The following RBFOX1 variants were observed in gnomAD, a reference collection of about 807,000 sequenced individuals.
The protein encoded by RBFOX1 is RNA binding fox-1 homolog 1, also known as RNA binding protein fox-1 homolog 1.
A neutral mutation model predicts 57.7 loss-of-function variants in RBFOX1; 8 were observed. The observed-to-expected ratio is 0.14, with a 90% confidence interval of 0.08 to 0.25. The LOEUF (loss-of-function observed/expected upper bound fraction) is 0.25, where lower values mean the gene tolerates loss of function less well. Among genes scored for constraint, RBFOX1 ranks in the 10% least tolerant of loss-of-function variants. The pLI is 1.00. For synonymous variants in RBFOX1, 326 were observed against 222.4 expected, an observed-to-expected ratio of 1.47 and a Z score of -4.15; for missense variants, 611 against 548.5, an observed-to-expected ratio of 1.11 and a Z score of -1.14.
intron 4 of RBFOX1, among the ~76,000 whole-genome samples, chr16:7,088,311 C>G (rs1276809356): frequency 6.6e-6 from 1 of 152,054 alleles, no homozygotes; most frequent in Non-Finnish European, 1.5e-5. Context: ...GTAGTGATGG[C>G]TTTGTTTATT....
intron 1 of RBFOX1, among the ~76,000 whole-genome samples, chr16:6,280,338 T>A (rs945127175): frequency 1.3e-5 from 2 of 152,200 alleles, no homozygotes; most frequent in Non-Finnish European, 2.9e-5. Context: ...TGTCTTTGTT[T>A]TCCTCTCTCT....
At position 5,516,134 on chromosome 16, in the gene RBFOX1, T is replaced by C. The variant is rs76593973; in HGVS notation, c.258+48880T>C. On this transcript the variant is annotated intron_variant, in intron 2 of 2. Transcript: ENST00000585867. The stretch of plus-strand genomic sequence containing the variant: ...TTAAGCTTGGTGGCCTTCTGAGTCC[T>C]GTGTCTGGTCCTGAGACAAAGATGC... Among the ~76,000 whole-genome samples, 1,062 of 152,298 alleles carry C rather than the reference T, an allele frequency of 7.0e-3. 9 individuals carry two copies. The highest frequency in any genetic ancestry group is 0.024 in the African/African-American group (993 of 41,562).
chr16:5,889,343 TAG>T (rs2057986955), intron 4 of RBFOX1, among the ~76,000 whole-genome samples: 2 of 152,184 alleles, frequency 1.3e-5, no homozygotes, highest in African/African-American at 2.4e-5. Flanking sequence ...TTTCTTGTGT[TAG>T]TTGGCTGAGG....
At chr16:6,725,723 G>A (rs1174362861) in intron 3 of RBFOX1, among the ~76,000 whole-genome samples, 2 of 152,118 alleles carry the variant, frequency 1.3e-5, no homozygotes, top group African/African-American at 2.4e-5. Flanking sequence ...TATATTCAGG[G>A]TAGATTTCCA....
intron 2 of RBFOX1, among the ~76,000 whole-genome samples, chr16:6,534,257 A>ATGTG (rs143116379): frequency 1.9e-3 from 290 of 149,450 alleles, no homozygotes; most frequent in African/African-American, 5.4e-3. Flanking sequence ...ATCAGTGTGT[A>ATGTG]TGTGTGTGTG....
At position 7,060,530 on chromosome 16, in the gene RBFOX1, C is replaced by A; in HGVS notation, c.27+8432C>A. Among the ~76,000 whole-genome samples the A allele has an allele frequency of 2.0e-5, 3 of 152,288 alleles. 1 individual carries two copies. The South Asian group carries it at 6.2e-4, about 32-fold the overall frequency. ...CCAGTTAAATACCTTCTGCCATTCTCAAATGAAATGGCTTTTAAAGAACAG... is the reference window on the plus strand; with the variant it reads ...CCAGTTAAATACCTTCTGCCATTCTAAAATGAAATGGCTTTTAAAGAACAG... On this transcript the variant is annotated intron_variant, in intron 4 of 15. Transcript: ENST00000550418.
chr16:6,561,539 A>G (rs2097179191), intron 2 of RBFOX1, among the ~76,000 whole-genome samples: 1 of 152,230 alleles, frequency 6.6e-6, no homozygotes, highest in Admixed American at 6.5e-5. Context: ...TGAACACAGT[A>G]TAAAGGAAGA....
At chr16:6,745,156 G>T (rs915502720) in intron 3 of RBFOX1, among the ~76,000 whole-genome samples, 2 of 152,026 alleles carry the variant, frequency 1.3e-5, no homozygotes, top group African/African-American at 4.8e-5. Context: ...TGAATTTCCT[G>T]ATATATATCA....
At chr16:6,669,791 C>A (rs1397817106) in intron 3 of RBFOX1, among the ~76,000 whole-genome samples, 2 of 152,150 alleles carry the variant, frequency 1.3e-5, no homozygotes, top group African/African-American at 4.8e-5. Context: ...TTAAGGACTT[C>A]TAGCTTTTGG....
chr16:5,293,873 T>C (rs1012632063), intron 1 of RBFOX1, among the ~76,000 whole-genome samples: 2 of 152,196 alleles, frequency 1.3e-5, no homozygotes, highest in Admixed American at 6.5e-5. Context: ...TGTGAATGTA[T>C]TTAATGATAC....
intron 4 of RBFOX1, among the ~76,000 whole-genome samples, chr16:7,274,511 G>T (rs537874379): frequency 6.6e-6 from 1 of 152,196 alleles, no homozygotes; most frequent in African/African-American, 2.4e-5. Flanking sequence ...TTGAATGCCT[G>T]AGAGTTTGGG....
chr16:6,038,500 G>A (rs1190496578), intron 1 of RBFOX1: 1 of 143,458 alleles, frequency 7.0e-6, no homozygotes, highest in Non-Finnish European at 1.5e-5. Context: ...TATGTACACT[G>A]TACCTCAATA....
At chr16:6,875,365 C>T (rs538356894) in intron 3 of RBFOX1, among the ~76,000 whole-genome samples, 1 of 152,212 alleles carries the variant, frequency 6.6e-6, no homozygotes, top group African/African-American at 2.4e-5. Context: ...TTGACCTCTC[C>T]TGTCCAATAT....
chr16:5,633,166 T>A (rs540580001), intron 3 of RBFOX1, among the ~76,000 whole-genome samples: 1 of 152,148 alleles, frequency 6.6e-6, no homozygotes, highest in South Asian at 2.1e-4. Flanking sequence ...CTCGAACTCC[T>A]GACCTCGTGA....
At chr16:6,864,459 G>C (rs545843637) in intron 3 of RBFOX1, among the ~76,000 whole-genome samples, 1 of 151,114 alleles carries the variant, frequency 6.6e-6, no homozygotes. Context: ...CATCATGCCC[G>C]AAAAAGTATA....
At chr16:7,093,429 T>C (rs567177643) in intron 4 of RBFOX1, among the ~76,000 whole-genome samples, 1 of 152,346 alleles carries the variant, frequency 6.6e-6, no homozygotes, top group Admixed American at 6.5e-5. Flanking sequence ...TCTTTGACAC[T>C]CTGACATAGT....
chr16:7,191,785 C>T (rs949453538), intron 4 of RBFOX1, among the ~76,000 whole-genome samples: 1 of 152,174 alleles, frequency 6.6e-6, no homozygotes, highest in Non-Finnish European at 1.5e-5. Context: ...TAAGAATTCT[C>T]TGTGGTGGAC....
intron 4 of RBFOX1, among the ~76,000 whole-genome samples, chr16:7,510,549 A>G (rs1258424757): frequency 6.6e-6 from 1 of 151,742 alleles, no homozygotes; most frequent in Non-Finnish European, 1.5e-5. Context: ...TTTCTGCTTG[A>G]TGTGTGGAAC....
intron 3 of RBFOX1, among the ~76,000 whole-genome samples, chr16:6,836,479 C>G (rs1485763537): frequency 6.6e-6 from 1 of 152,186 alleles, no homozygotes. Flanking sequence ...AGGTATCTTG[C>G]TTTCTGTATC....
Sources: allele counts gnomAD v4.1 joint callset (sites outside exome capture counted in the v4.1 genomes callset), GRCh38; gene constraint gnomAD v4.1.1; transcripts MANE v1.5; gene names NCBI Gene and HGNC (gene_info 2026-07-23, HGNC 2026-07-21).